ZFYVE26: variants seen among roughly 807,000 people sequenced by gnomAD.
ZFYVE26 encodes zinc finger FYVE domain-containing protein 26.
In ZFYVE26, 181 loss-of-function variants were observed where a neutral mutation model predicts 276.5. The ratio of observed to expected loss-of-function variants is 0.65; its 90% CI spans 0.58 to 0.74. The LOEUF (loss-of-function observed/expected upper bound fraction) is 0.74, where lower values mean the gene tolerates loss of function less well. Among genes scored for constraint, ZFYVE26 ranks in the 30% least tolerant of loss-of-function variants. The pLI is 0.00. For missense variants in ZFYVE26, 2,821 were observed against 3,097.9 expected (o/e 0.91, Z 2.12); for synonymous variants, 1,129 against 1,203.1 (o/e 0.94, Z 1.27).
intron 13 of ZFYVE26, among the ~76,000 whole-genome samples, chr14:67,732,639 T>G (rs1400648417): frequency 6.6e-6 from 1 of 152,000 alleles, no homozygotes; most frequent in Non-Finnish European, 1.5e-5. Context: ...TTCAGTGGCG[T>G]GATCTCCACT....
In ZFYVE26 at chr14:67,732,889, C is replaced by T. The variant is rs116969845; in HGVS notation, n.2680-3070G>A. Among the ~76,000 whole-genome samples the T allele has an allele frequency of 3.7e-4, 56 of 152,180 alleles. 1 individual carries two copies. The East Asian group carries it at 0.011, about 29-fold the overall frequency. Reference sequence around the variant, plus strand: ...AGCCACCGTGCCCAGCCGTGATAGGCTTTTCTTCTTTTATCAGCACTGCAT... The same window carrying T: ...AGCCACCGTGCCCAGCCGTGATAGGTTTTTCTTCTTTTATCAGCACTGCAT... On this transcript the variant is annotated intron_variant and non_coding_transcript_variant, in intron 13 of 14. Coordinates refer to the ZFYVE26 transcript ENST00000394455.
chr14:67,732,911 G>C (rs12893115), intron 13 of ZFYVE26, among the ~76,000 whole-genome samples: 18,589 of 152,042 alleles, frequency 0.12, 1,579 homozygotes, highest in South Asian at 0.34. Flanking sequence ...TATCAGCACT[G>C]CATGTTCCGA....
At chr14:67,805,093 G>C in intron 8 of ZFYVE26, 124 bp downstream of exon 8, 1 of 877,610 alleles carries the variant, frequency 1.1e-6, no homozygotes, top group Non-Finnish European at 1.8e-6. Context: ...ACAATTTTTA[G>C]TAGCTGGTCA....
rs146732737 is a variant in ZFYVE26, at chr14:67,793,539, T to A, written c.2553+69A>T. Reference sequence around the variant, plus strand: ...CCTGAGTGCTCCCAGGTGGCTCTGGTTGTACATGCTCCGAGCCTTACCTGA... The same window carrying A: ...CCTGAGTGCTCCCAGGTGGCTCTGGATGTACATGCTCCGAGCCTTACCTGA... On this transcript the variant is annotated intron_variant, in intron 14 of 41. Coordinates refer to ENST00000347230, the MANE Select transcript of ZFYVE26 (RefSeq NM_015346.4). The A allele has an allele frequency of 5.1e-4, 794 of 1,561,166 alleles. 13 individuals are homozygous for A. The East Asian group carries it at 0.018, about 36-fold the overall frequency.
chr14:67,787,595 G>A (rs937920447), intron 16 of ZFYVE26, among the ~76,000 whole-genome samples: 8 of 151,720 alleles, frequency 5.3e-5, no homozygotes, highest in African/African-American at 9.7e-5. Context: ...TACATACACC[G>A]ACTATGCACC....
At chr14:67,803,164 TG>T (rs935171887) in intron 9 of ZFYVE26, among the ~76,000 whole-genome samples, 9 of 152,136 alleles carry the variant, frequency 5.9e-5, no homozygotes, top group Non-Finnish European at 8.8e-5. Context: ...GAGACTAGCC[TG>T]GGCAACATAG....
intron 35 of ZFYVE26, among the ~76,000 whole-genome samples, chr14:67,757,680 TTCTC>T (rs945543253): frequency 7.6e-5 from 11 of 144,782 alleles, no homozygotes; most frequent in African/African-American, 2.7e-4. Flanking sequence ...CTTTCTTTCT[TTCTC>T]TCTCTCTTTC....
chr14:67,746,353 T>C (rs769736726), downstream of ZFYVE26, among the ~76,000 whole-genome samples: 2 of 152,020 alleles, frequency 1.3e-5, no homozygotes, highest in Admixed American at 6.6e-5. Flanking sequence ...TTTAAACACA[T>C]AGGAAATGAG....
chr14:67,748,642 G>C lies in ZFYVE26; in HGVS notation c.7417-3C>G. On this transcript the variant is annotated splice_polypyrimidine_tract_variant and splice_region_variant and intron_variant, in intron 41 of 41. Coordinates refer to ENST00000347230, the MANE Select transcript of ZFYVE26 (RefSeq NM_015346.4). ...CAACATATCAGGTAGGCCCGAACCT[G>C]GCAGTCAGTTATAAGAGACAGCGGA... 6.2e-7 allele frequency: 1 copy of C among 1,613,778 alleles called. No individual in the cohort carries two copies. The highest frequency in any genetic ancestry group is 8.5e-7 in the Non-Finnish European group (1 of 1,180,030).
intron 21 of ZFYVE26, among the ~76,000 whole-genome samples, chr14:67,782,197 T>C (rs2140221700): frequency 6.6e-6 from 1 of 152,352 alleles, no homozygotes; most frequent in African/African-American, 2.4e-5. Flanking sequence ...CTAGTAGTGT[T>C]ACAGCTCATT....
chr14:67,798,224 C>T lies in ZFYVE26; in HGVS notation c.2038G>A (p.Ala680Thr). 6.2e-7 allele frequency: 1 copy of T among 1,614,176 alleles called. No homozygotes were observed. The highest frequency in any genetic ancestry group is 1.3e-5 in the African/African-American group (1 of 75,046). Reference sequence around the variant, plus strand: ...AAGGCCCCTATTGCAAATTCATCAGCCAGAAATCCACTGATACCACTAGTA... The same window carrying T: ...AAGGCCCCTATTGCAAATTCATCAGTCAGAAATCCACTGATACCACTAGTA... ...HFTSGISGFL[A>T]DEFAIGAFLR... The change falls in exon 11 of 42, where the codon GCT becomes ACT. Residue 680 changes from alanine (A) to threonine (T), a missense_variant. Ala to Thr is a moderately conservative substitution (Grantham distance 58). Coordinates refer to ENST00000347230, the MANE Select transcript of ZFYVE26 (RefSeq NM_015346.4).
At chr14:67,768,284 A>G (rs968087413) in intron 30 of ZFYVE26, among the ~76,000 whole-genome samples, 9 of 152,240 alleles carry the variant, frequency 5.9e-5, no homozygotes, top group Non-Finnish European at 1.0e-4. Context: ...TAAGAACCAA[A>G]TTATTTGGTT....
At position 67,790,789 on chromosome 14, in the gene ZFYVE26, G is replaced by C; in HGVS notation, c.2554-16C>G. 2 of 1,611,122 alleles carry C rather than the reference G, an allele frequency of 1.2e-6. No homozygotes were observed. The highest frequency in any genetic ancestry group is 1.7e-6 in the Non-Finnish European group (2 of 1,177,524). Reference sequence around the variant, plus strand: ...TGAACAGCACCTGTCATAGGAGAGGGAGTGTGTGGGCCCTGGTGGTCCCAC... The same window carrying C: ...TGAACAGCACCTGTCATAGGAGAGGCAGTGTGTGGGCCCTGGTGGTCCCAC... On this transcript the variant is annotated splice_polypyrimidine_tract_variant and intron_variant, in intron 14 of 41. Coordinates refer to ENST00000347230, the MANE Select transcript of ZFYVE26 (RefSeq NM_015346.4).
Position 67,766,380 on chromosome 14 carries a change from T to C in ZFYVE26, c.5858A>G (p.Gln1953Arg). 6.2e-7 allele frequency: 1 copy of C among 1,612,816 alleles called. No individual in the cohort carries two copies. Among genetic ancestry groups the C allele is most frequent in the Non-Finnish European group, 8.5e-7 (1 of 1,180,016 alleles). ...GAGCCTGCAGCAGTGCTCAATCAGCTGGTGACCACAGGCAATGCTGTCCCG... is the reference window on the plus strand; with the variant it reads ...GAGCCTGCAGCAGTGCTCAATCAGCCGGTGACCACAGGCAATGCTGTCCCG... ...LHRDSIACGHQLIEHCCRLSK... is the reference protein window; with the variant it reads ...LHRDSIACGHRLIEHCCRLSK... The change falls in exon 32 of 42, where the codon CAG becomes CGG. Residue 1953 changes from glutamine to arginine, a missense_variant. By Grantham distance (43) the Gln-to-Arg change is conservative (BLOSUM62 1). Transcript: ENST00000347230.
chr14:67,754,754 A>C (rs2140183875), intron 37 of ZFYVE26, among the ~76,000 whole-genome samples: 1 of 152,264 alleles, frequency 6.6e-6, no homozygotes, highest in East Asian at 1.9e-4. Context: ...GTAGCAGGAG[A>C]TAAAGATGGT....
intron 13 of ZFYVE26, chr14:67,735,464 G>A (rs117780294): frequency 0.027 from 15,903 of 583,708 alleles, 306 homozygotes; most frequent in Middle Eastern, 0.049. Flanking sequence ...ACAATGCCGG[G>A]GGATTGGTGG....
At chr14:67,778,037 A>G in intron 24 of ZFYVE26, 89 bp downstream of exon 24, 1 of 1,569,420 alleles carries the variant, frequency 6.4e-7, no homozygotes, top group Non-Finnish European at 8.8e-7. Context: ...CTGAGATTGC[A>G]TGGGATTCAA....
rs759034238 is a variant in ZFYVE26, at chr14:67,797,990, C to G, written c.2248+24G>C. ...CTTTCTCCCTCTCCACCTTCTGGTC[C>G]CACCAGTTCCACCCTTCTCTCACCT... On this transcript the variant is annotated intron_variant, in intron 11 of 41. Coordinates refer to ENST00000347230, the MANE Select transcript of ZFYVE26 (RefSeq NM_015346.4). The G allele has an allele frequency of 1.9e-6, 3 of 1,613,862 alleles. No individual in the cohort carries two copies. The South Asian group carries it at 3.3e-5, about 18-fold the overall frequency.
chr14:67,798,034 A>G lies in ZFYVE26; in HGVS notation c.2228T>C (p.Val743Ala). 6.2e-7 allele frequency: 1 copy of G among 1,613,984 alleles called. No homozygotes were observed. The highest frequency in any genetic ancestry group is 8.5e-7 in the Non-Finnish European group (1 of 1,180,010). The change falls in exon 11 of 42, where the codon GTG becomes GCG. Residue 743 changes from valine to alanine, a missense_variant. Val to Ala is a moderately conservative substitution (Grantham distance 64). Coordinates refer to ENST00000347230, the MANE Select transcript of ZFYVE26 (RefSeq NM_015346.4). ...VSEAQWRHKV[V>A]TSNHRSEEQP... is the part of the protein sequence containing the mutation. ...CTCACCTGAACGATGGTTGCTTGTC[A>G]CCACCTTGTGTCTCCACTGGGCCTC...
Sources: allele counts gnomAD v4.1 joint callset (sites outside exome capture counted in the v4.1 genomes callset), GRCh38; gene constraint gnomAD v4.1.1; transcripts MANE v1.5; gene names NCBI Gene and HGNC (gene_info 2026-07-23, HGNC 2026-07-21).